Variants in CACNA1C observed in about 807,000 individuals in gnomAD.
CACNA1C encodes the protein voltage-dependent L-type calcium channel subunit alpha-1C.
Under a neutral mutation model 229.0 loss-of-function variants are expected in CACNA1C, and 30 were observed. That is an observed-to-expected ratio of 0.13 (90% CI 0.10 to 0.18). The LOEUF (loss-of-function observed/expected upper bound fraction) is 0.18. CACNA1C is among the 10% of genes least tolerant of loss of function. The pLI, the probability that CACNA1C is intolerant of heterozygous loss-of-function variation, is 1.00. For missense variants in CACNA1C, 1,658 were observed against 2,845.0 expected (o/e 0.58, Z 9.49); for synonymous variants, 1,114 against 1,132.5 (o/e 0.98, Z 0.33).
At chr12:2,492,156 A>G (rs1026381579) in intron 6 of CACNA1C, among the ~76,000 whole-genome samples, 28 of 152,214 alleles carry the variant, frequency 1.8e-4, no homozygotes, top group African/African-American at 6.3e-4. Context: ...AGCCAGAGCC[A>G]AGACTTTCTC....
At chr12:2,335,272 C>T (rs544943007) in intron 3 of CACNA1C, among the ~76,000 whole-genome samples, 1 of 152,242 alleles carries the variant, frequency 6.6e-6, no homozygotes, top group Admixed American at 6.5e-5. Flanking sequence ...ACTCAGTGGT[C>T]TCTTCCGCCA....
chr12:2,228,547 T>C (rs944746729), intron 3 of CACNA1C, among the ~76,000 whole-genome samples: 1 of 152,198 alleles, frequency 6.6e-6, no homozygotes, highest in African/African-American at 2.4e-5. Flanking sequence ...AAGAATCTGG[T>C]TGACAAGGTA....
chr12:2,579,685 A>G (rs2059831624), intron 13 of CACNA1C, among the ~76,000 whole-genome samples: 1 of 152,166 alleles, frequency 6.6e-6, no homozygotes, highest in African/African-American at 2.4e-5. Flanking sequence ...GGCTCAAGTG[A>G]TCCTTCCATC....
At chr12:1,972,131 T>G (rs1447665564) in intron 1 of CACNA1C, among the ~76,000 whole-genome samples, 1 of 152,240 alleles carries the variant, frequency 6.6e-6, no homozygotes, top group Non-Finnish European at 1.5e-5. Flanking sequence ...AAGTTCCCTC[T>G]TTTTACTTGG....
At chr12:2,541,338 C>T (rs541688524) in intron 9 of CACNA1C, among the ~76,000 whole-genome samples, 1 of 152,282 alleles carries the variant, frequency 6.6e-6, no homozygotes, top group Non-Finnish European at 1.5e-5. Flanking sequence ...GCTTGTTAAC[C>T]GTAAGTCTGA....
At chr12:2,154,338 C>T (rs1343808332) in intron 3 of CACNA1C, among the ~76,000 whole-genome samples, 2 of 152,204 alleles carry the variant, frequency 1.3e-5, no homozygotes, top group African/African-American at 4.8e-5. Context: ...GAAAACAAAA[C>T]CTGCCAGGTT....
At chr12:2,337,888 C>T (rs1250082404) in intron 3 of CACNA1C, among the ~76,000 whole-genome samples, 1 of 152,194 alleles carries the variant, frequency 6.6e-6, no homozygotes, top group African/African-American at 2.4e-5. Flanking sequence ...CCTCCTCTGA[C>T]TTCAGGTTTG....
chr12:2,161,407 A>G (rs1307704417), intron 3 of CACNA1C, among the ~76,000 whole-genome samples: 1 of 152,196 alleles, frequency 6.6e-6, no homozygotes, highest in East Asian at 1.9e-4. Flanking sequence ...GTGAGGCTCT[A>G]AACGCCAGCT....
At chr12:2,252,304 A>T (rs2075861219) in intron 3 of CACNA1C, among the ~76,000 whole-genome samples, 2 of 152,196 alleles carry the variant, frequency 1.3e-5, no homozygotes. Context: ...CGCCTGAAAA[A>T]GAAAGTCCAA....
chr12:2,528,892 C>T (rs1466224843), intron 9 of CACNA1C, among the ~76,000 whole-genome samples: 1 of 152,064 alleles, frequency 6.6e-6, no homozygotes, highest in African/African-American at 2.4e-5. Context: ...ATGTTTGGGC[C>T]CTCTGATGCC....
intron 3 of CACNA1C, among the ~76,000 whole-genome samples, chr12:2,435,557 C>T (rs770101838): frequency 2.0e-5 from 3 of 152,146 alleles, no homozygotes; most frequent in Admixed American, 6.5e-5. Context: ...AAGGGTTGCC[C>T]GGGAAGAAGG....
At chr12:2,520,666 C>T (rs2099807722) in intron 9 of CACNA1C, among the ~76,000 whole-genome samples, 1 of 121,816 alleles carries the variant, frequency 8.2e-6, no homozygotes, top group Admixed American at 7.7e-5. Flanking sequence ...GACCAATGGC[C>T]GTGTGCTTCA....
intron 42 of CACNA1C, chr12:2,680,323 C>A: frequency 2.8e-6 from 4 of 1,418,518 alleles, no homozygotes; most frequent in South Asian, 1.3e-5. Context: ...TTACTCCTGA[C>A]TCACTCTTTT....
intron 1 of CACNA1C, among the ~76,000 whole-genome samples, chr12:2,074,460 T>G (rs1170567241): frequency 6.6e-6 from 1 of 152,208 alleles, no homozygotes; most frequent in African/African-American, 2.4e-5. Context: ...TGATCTGACT[T>G]GCCGAAAGTT....
Position 2,504,886 on chromosome 12 carries a change from T to A in CACNA1C, c.1158T>A (p.Val386=), listed in dbSNP as rs1051351. ...VGRDWPWIYF[V]TLIIIGSFFV... ...GGGACTGGCCCTGGATCTATTTTGT[T>A]ACACTAATCATCATAGGGTCATTTT... Residue 386 remains valine, a synonymous_variant, in exon 8 of 47, where the codon GTT becomes GTA. Transcript: ENST00000399655. This position sits in a 1 kb window ranked among gnomAD's most constrained non-coding sequence, Gnocchi z 6.8. 6.2e-7 allele frequency: 1 copy of A among 1,608,966 alleles called. No individual in the cohort carries two copies.
intron 3 of CACNA1C, among the ~76,000 whole-genome samples, chr12:2,191,543 T>TGGACA (rs1173139199): frequency 1.3e-5 from 2 of 152,058 alleles, no homozygotes; most frequent in African/African-American, 4.8e-5. Flanking sequence ...CATACACACA[T>TGGACA]GGACACATTC....
At chr12:2,264,303 G>A (rs1194258825) in intron 3 of CACNA1C, among the ~76,000 whole-genome samples, 7 of 152,240 alleles carry the variant, frequency 4.6e-5, no homozygotes, top group African/African-American at 1.4e-4. Context: ...CTCTGGCTCT[G>A]TTGTTCCCTT....
In CACNA1C at chr12:2,611,941, C is replaced by T; in HGVS notation, c.3756C>T (p.Asn1252=). The T allele has an allele frequency of 6.2e-7, 1 of 1,613,776 alleles. No individual in the cohort carries two copies. Among genetic ancestry groups the T allele is most frequent in the South Asian group, 1.1e-5 (1 of 91,062 alleles). The part of the protein sequence containing the change: ...GQSCLFKIAM[N]ILNMLFTGLF... ...GCTGCCTGTTCAAAATCGCCATGAA[C>T]ATCCTCAACATGCTCTTCACTGGCC... The change falls in exon 29 of 47, where the codon AAC becomes AAT. Residue 1252 remains asparagine, a synonymous_variant. Transcript: ENST00000399655.
chr12:2,109,627 G>A (rs966284056), intron 1 of CACNA1C, among the ~76,000 whole-genome samples: 7 of 152,158 alleles, frequency 4.6e-5, no homozygotes, highest in African/African-American at 1.4e-4. Context: ...ATCTAACTAG[G>A]GGAATGACAG....
Sources: gnomAD v4.1 joint callset for allele counts (sites outside exome capture counted in the v4.1 genomes callset) on GRCh38, gnomAD v4.1.1 for gene constraint, Gnocchi (gnomAD v3.1) non-coding constraint, MANE v1.5 for transcripts, NCBI Gene and HGNC (gene_info 2026-07-23, HGNC 2026-07-21) for gene names.